The following SEMA6D variants were observed in gnomAD, a reference collection of about 807,000 sequenced individuals.
The protein encoded by SEMA6D is semaphorin 6D.
Under a neutral mutation model 106.6 loss-of-function variants are expected in SEMA6D, and 35 were observed. That is an observed-to-expected ratio of 0.33 (90% CI 0.25 to 0.44). The LOEUF (loss-of-function observed/expected upper bound fraction) is 0.44. Ranked by LOEUF, SEMA6D falls within the 20% of genes least tolerant of loss-of-function variation. The probability of loss-of-function intolerance (pLI) is 1.00; values close to 1 mark genes in which losing one functional copy is unlikely to be tolerated. For synonymous variants in SEMA6D, 499 were observed against 487.7 expected (o/e 1.02, Z -0.31); for missense variants, 1,185 against 1,345.9 (o/e 0.88, Z 1.87).
chr15:47,379,186 T>G (rs192610618), intron 1 of SEMA6D, among the ~76,000 whole-genome samples: 208 of 152,336 alleles, frequency 1.4e-3, no homozygotes, highest in African/African-American at 5.0e-3. Flanking sequence ...TTGTTTACAT[T>G]TCTCTGACCA....
At chr15:47,582,889 G>GCTAT (rs139765338) in intron 3 of SEMA6D, among the ~76,000 whole-genome samples, 5,954 of 152,212 alleles carry the variant, frequency 0.039, 163 homozygotes, top group Non-Finnish European at 0.056. Context: ...CGTAGACACT[G>GCTAT]CTATACCTTT....
At position 47,278,369 on chromosome 15, in the gene SEMA6D, G is replaced by A. The variant is rs576427327; in HGVS notation, c.-239+93951G>A. On this transcript the variant is annotated intron_variant, in intron 1 of 19. Coordinates refer to the SEMA6D transcript ENST00000558014. Reference sequence around the variant, plus strand: ...TGCATTTCTCTGATGGCCAGTGATGGTGAGCATCTTTTCATGTGTTTTTTG... The same window carrying A: ...TGCATTTCTCTGATGGCCAGTGATGATGAGCATCTTTTCATGTGTTTTTTG... Among the ~76,000 whole-genome samples, 280 of 152,276 alleles carry A rather than the reference G, an allele frequency of 1.8e-3. 4 individuals are homozygous for A. The highest frequency in any genetic ancestry group is 0.016 in the Admixed American group (250 of 15,286).
intron 2 of SEMA6D, among the ~76,000 whole-genome samples, chr15:47,420,052 G>T (rs1270161169): frequency 6.6e-6 from 1 of 152,112 alleles, no homozygotes. Flanking sequence ...GCTGTCAGGT[G>T]GTGATTGACT....
At chr15:47,457,849 T>C (rs916912311) in intron 2 of SEMA6D, among the ~76,000 whole-genome samples, 4 of 151,782 alleles carry the variant, frequency 2.6e-5, no homozygotes, top group Non-Finnish European at 4.4e-5. Flanking sequence ...AAATGTATTG[T>C]CATCAAATTG....
intron 1 of SEMA6D, among the ~76,000 whole-genome samples, chr15:47,227,989 T>A (rs181447195): frequency 3.3e-4 from 34 of 102,894 alleles, no homozygotes; most frequent in South Asian, 5.5e-4. Flanking sequence ...ATATATAAGA[T>A]TCTTATATAT....
intron 1 of SEMA6D, among the ~76,000 whole-genome samples, chr15:47,407,387 ACCAAAAC>A (rs2040616680): frequency 7.4e-6 from 1 of 135,142 alleles, no homozygotes. Context: ...AAAAAAAAAA[ACCAAAAC>A]AACAACAACA....
chr15:47,598,900 CT>C (rs201821900), intron 3 of SEMA6D, among the ~76,000 whole-genome samples: 7,421 of 152,076 alleles, frequency 0.049, 201 homozygotes, highest in South Asian at 0.082. Context: ...ATTATGTACT[CT>C]GAGATGAGAT....
intron 4 of SEMA6D, among the ~76,000 whole-genome samples, chr15:47,692,110 G>A (rs1199606844): frequency 6.6e-6 from 1 of 152,134 alleles, no homozygotes. Flanking sequence ...AGAGTGGCCA[G>A]AGCACAATGA....
rs538330152 is a variant in SEMA6D, at chr15:47,746,216, C to T, written c.-54-13529C>T. Among the ~76,000 whole-genome samples, 3 of 152,198 alleles carry T rather than the reference C, an allele frequency of 2.0e-5. No homozygotes were observed. The South Asian group carries it at 6.2e-4, about 31-fold the overall frequency. The stretch of plus-strand genomic sequence containing the variant: ...TTTTAACCCTTCTGTAAACTCATCA[C>T]CAACTGTTTTAAAGCATGACATCAC... On this transcript the variant is annotated intron_variant, in intron 1 of 18. Coordinates refer to ENST00000536845, the MANE Select transcript of SEMA6D (RefSeq NM_001358351.3).
At position 47,471,928 on chromosome 15, in the gene SEMA6D, C is replaced by G. The variant is rs1038840112; in HGVS notation, c.-87+1383C>G. Among the ~76,000 whole-genome samples the G allele has an allele frequency of 4.0e-3, 528 of 130,706 alleles. 4 individuals are homozygous for G. Among genetic ancestry groups the G allele is most frequent in the African/African-American group, 0.017 (498 of 28,620 alleles). The allele number at this position is 130,706 out of a possible 152,430, so 85.7% of individuals were successfully genotyped here. ...TTTCTCTCTCTCTCTCTCTCTCTCTCTCTCACACACACACACACACACACA... is the reference window on the plus strand; with the variant it reads ...TTTCTCTCTCTCTCTCTCTCTCTCTGTCTCACACACACACACACACACACA... On this transcript the variant is annotated intron_variant, in intron 3 of 19. Coordinates refer to the SEMA6D transcript ENST00000558014.
intron 1 of SEMA6D, among the ~76,000 whole-genome samples, chr15:47,233,837 T>C (rs1428131629): frequency 1.3e-5 from 2 of 152,046 alleles, no homozygotes; most frequent in African/African-American, 4.8e-5. Flanking sequence ...GGATTGTCTA[T>C]ATATATAAGA....
At chr15:47,683,248 T>A (rs2078396879) in intron 4 of SEMA6D, among the ~76,000 whole-genome samples, 1 of 152,208 alleles carries the variant, frequency 6.6e-6, no homozygotes, top group African/African-American at 2.4e-5. Context: ...TGTCCATTAT[T>A]TCCTCGGTAT....
At chr15:47,440,138 G>A (rs186104500) in intron 2 of SEMA6D, among the ~76,000 whole-genome samples, 45 of 126,322 alleles carry the variant, frequency 3.6e-4, no homozygotes, top group Non-Finnish European at 1.1e-4. Flanking sequence ...GTTAGAGACT[G>A]GATGAAAGCA....
intron 1 of SEMA6D, among the ~76,000 whole-genome samples, chr15:47,320,324 T>G (rs963486060): frequency 6.6e-6 from 1 of 152,186 alleles, no homozygotes; most frequent in African/African-American, 2.4e-5. Context: ...GACCTTAGAA[T>G]CAGTGTTCAG....
chr15:47,496,705 C>T (rs986763224), intron 3 of SEMA6D, among the ~76,000 whole-genome samples: 42 of 151,878 alleles, frequency 2.8e-4, no homozygotes, highest in Admixed American at 5.3e-4. Context: ...TTATCTTTTC[C>T]CATGTTTTTT....
intron 1 of SEMA6D, among the ~76,000 whole-genome samples, chr15:47,276,698 G>A (rs1011698301): frequency 1.3e-4 from 20 of 152,160 alleles, no homozygotes; most frequent in Non-Finnish European, 2.9e-5. Flanking sequence ...AAATGTACAA[G>A]GAGGTTAATG....
At chr15:47,305,336 C>T (rs998890128) in intron 1 of SEMA6D, among the ~76,000 whole-genome samples, 4 of 152,072 alleles carry the variant, frequency 2.6e-5, no homozygotes, top group East Asian at 3.9e-4. Context: ...CTGGTGATCA[C>T]GAAATGATTA....
chr15:47,765,844 C>G (rs1255501001), intron 13 of SEMA6D, 25 bp from the exon 14 acceptor site: 2 of 1,481,960 alleles, frequency 1.3e-6, no homozygotes, highest in Non-Finnish European at 1.8e-6. Context: ...AAACATATGG[C>G]TTCAAAATGT....
chr15:47,448,362 T>C, intron 2 of SEMA6D, among the ~76,000 whole-genome samples: 1 of 119,976 alleles, frequency 8.3e-6, no homozygotes, highest in East Asian at 2.4e-4. Context: ...GGAATAGAAA[T>C]TGTCTTGTGA....
Sources: gnomAD v4.1 joint callset for allele counts (sites outside exome capture counted in the v4.1 genomes callset) on GRCh38, gnomAD v4.1.1 for gene constraint, MANE v1.5 for transcripts, NCBI Gene and HGNC (gene_info 2026-07-23, HGNC 2026-07-21) for gene names.